The following DPM1 variants were observed in gnomAD, a reference collection of about 807,000 sequenced individuals.
DPM1 encodes the protein dolichyl-phosphate mannosyltransferase subunit 1, catalytic, also known as dolichol-phosphate mannosyltransferase subunit 1.
A neutral mutation model predicts 39.0 loss-of-function variants in DPM1; 27 were observed. That is an observed-to-expected ratio of 0.69 (90% CI 0.51 to 0.95). DPM1 has a LOEUF of 0.95. Among genes scored for constraint, DPM1 ranks in the 40% least tolerant of loss-of-function variants. DPM1 has a pLI of 0.00. For synonymous variants in DPM1, 124 were observed against 109.0 expected (o/e 1.14, Z -0.86); for missense variants, 307 against 315.6 (o/e 0.97, Z 0.21).
At chr20:50,946,063 C>T (rs1986265625) in intron 3 of DPM1, 140 bp from the exon 4 acceptor site, 2 of 758,124 alleles carry the variant, frequency 2.6e-6, no homozygotes, top group Non-Finnish European at 2.3e-6. Context: ...TATTTTTCAC[C>T]TTAAGTACAT....
rs1373039485 is a variant in DPM1, at chr20:50,936,205, G to T, written c.621C>A (p.Tyr207Ter). ...GAACAATCATCTCCATCTGGAAGAC[G>T]TAGCCTTTAGAAACACATTTTTCTA... The part of the protein sequence containing the change: ...KLIEKCVSKG[Y>*]VFQMEMIVRA... The change falls in exon 8 of 9, where the codon TAC becomes TAA. Residue 207 changes from tyrosine (Y) to a stop codon, truncating the protein, a stop_gained. Coordinates refer to ENST00000371588, the MANE Select transcript of DPM1 (RefSeq NM_003859.3). LOFTEE classifies it high-confidence loss of function. 1 of 1,613,436 alleles carries T rather than the reference G, an allele frequency of 6.2e-7. No homozygotes were observed.
At chr20:50,953,513 TAA>T (rs755861556) in intron 2 of DPM1, among the ~76,000 whole-genome samples, 1 of 152,226 alleles carries the variant, frequency 6.6e-6, no homozygotes, top group East Asian at 1.9e-4. Flanking sequence ...TGTTTTTTTT[TAA>T]AAGTCATTTT....
chr20:50,954,703 AAAAAT>A (rs1986740285), intron 2 of DPM1, among the ~76,000 whole-genome samples: 1 of 152,204 alleles, frequency 6.6e-6, no homozygotes, highest in African/African-American at 2.4e-5. Context: ...TCTATAGACT[AAAAAT>A]GCCAAGTACT....
In DPM1 at chr20:50,955,178, TA is replaced by T. The variant is rs1986763111; in HGVS notation, c.261+7del. On this transcript the variant is annotated splice_region_variant and intron_variant, in intron 2 of 8. Transcript: ENST00000371588. ...TTCATATCACAGAAAAATGTTCTTA[TA>T]ACTTACAATTCTGTCTGACCCATAG... 6.3e-7 allele frequency: 1 copy of T among 1,598,802 alleles called. No homozygotes were observed. Among genetic ancestry groups the T allele is most frequent in the South Asian group, 1.1e-5 (1 of 90,790 alleles).
chr20:50,946,448 G>C (rs1188854952), intron 3 of DPM1, among the ~76,000 whole-genome samples: 1 of 152,214 alleles, frequency 6.6e-6, no homozygotes, highest in African/African-American at 2.4e-5. Context: ...TCCATCCACA[G>C]GTCTAGAGAT....
At chr20:50,940,232 T>A (rs1317783061) in intron 7 of DPM1, among the ~76,000 whole-genome samples, 1 of 151,840 alleles carries the variant, frequency 6.6e-6, no homozygotes, top group African/African-American at 2.4e-5. Flanking sequence ...TATTAAGTAA[T>A]GTTTGGGGGG....
chr20:50,951,277 T>A (rs1022315310), intron 2 of DPM1, among the ~76,000 whole-genome samples: 1 of 152,210 alleles, frequency 6.6e-6, no homozygotes, highest in African/African-American at 2.4e-5. Context: ...TAGAGTATTA[T>A]GGAGCCATTA....
intron 5 of DPM1, 144 bp downstream of exon 5, chr20:50,945,593 C>T: frequency 1.2e-6 from 1 of 828,116 alleles, no homozygotes; most frequent in Non-Finnish European, 1.9e-6. Context: ...ACCCTCCTAC[C>T]CTGACTTCCC....
chr20:50,937,057 T>C (rs1011585281), intron 7 of DPM1, among the ~76,000 whole-genome samples: 1 of 152,036 alleles, frequency 6.6e-6, no homozygotes, highest in African/African-American at 2.4e-5. Context: ...TTTTTTTTTT[T>C]TTTTAAAGAT....
intron 5 of DPM1, among the ~76,000 whole-genome samples, chr20:50,942,503 CAAA>C (rs11484450): frequency 2.3e-5 from 3 of 128,766 alleles, no homozygotes; most frequent in African/African-American, 2.9e-5. Flanking sequence ...GACTCCATCT[CAAA>C]AAAAAAAAAA....
intron 7 of DPM1, 134 bp from the exon 8 acceptor site, chr20:50,936,396 A>G: frequency 1.6e-6 from 1 of 621,106 alleles, no homozygotes; most frequent in Non-Finnish European, 2.9e-6. Flanking sequence ...AAAAGCTCGC[A>G]CACTTGATGA....
intron 6 of DPM1, 109 bp from the exon 7 acceptor site, chr20:50,941,042 T>A: frequency 9.1e-7 from 1 of 1,100,382 alleles, no homozygotes; most frequent in Non-Finnish European, 1.3e-6. Context: ...AATGTAACAT[T>A]AATTTCATAA....
chr20:50,948,305 TA>T (rs1986399536), intron 3 of DPM1, among the ~76,000 whole-genome samples: 1 of 152,094 alleles, frequency 6.6e-6, no homozygotes, highest in Non-Finnish European at 1.5e-5. Context: ...GCTCCATCCC[TA>T]GGGGTGGCAG....
chr20:50,937,252 T>C (rs1162894319), intron 7 of DPM1, among the ~76,000 whole-genome samples: 2 of 152,148 alleles, frequency 1.3e-5, no homozygotes, highest in African/African-American at 4.8e-5. Context: ...AAGGCGACCT[T>C]ATCTTTTGAC....
chr20:50,939,723 C>T (rs1985545921), intron 7 of DPM1, among the ~76,000 whole-genome samples: 2 of 152,170 alleles, frequency 1.3e-5, no homozygotes, highest in African/African-American at 2.4e-5. Context: ...AAGTGATTCT[C>T]CTGCCTCAGC....
At chr20:50,939,570 T>C (rs951550620) in intron 7 of DPM1, among the ~76,000 whole-genome samples, 25 of 152,036 alleles carry the variant, frequency 1.6e-4, no homozygotes, top group African/African-American at 4.3e-4. Context: ...GACCTTGTGA[T>C]TCACCTGCCT....
upstream of DPM1, chr20:50,958,538 A>G (rs769324459): frequency 5.6e-6 from 9 of 1,613,146 alleles, 1 homozygote; most frequent in South Asian, 8.8e-5. Flanking sequence ...GAACTGAGCC[A>G]GATGCCGGAA....
chr20:50,935,838 G>A (rs1985106415), intron 8 of DPM1, among the ~76,000 whole-genome samples: 1 of 152,132 alleles, frequency 6.6e-6, no homozygotes, highest in Non-Finnish European at 1.5e-5. Context: ...GTGGCCATTG[G>A]CGGTGACAAA....
chr20:50,937,408 T>C (rs140116645), intron 7 of DPM1, among the ~76,000 whole-genome samples: 3 of 152,262 alleles, frequency 2.0e-5, no homozygotes, highest in South Asian at 4.1e-4. Flanking sequence ...GGTAGCAATA[T>C]TTATTCAATA....
Sources: gnomAD v4.1 joint callset for allele counts (sites outside exome capture counted in the v4.1 genomes callset) on GRCh38, gnomAD v4.1.1 for gene constraint, MANE v1.5 for transcripts, NCBI Gene and HGNC (gene_info 2026-07-23, HGNC 2026-07-21) for gene names.